The following ABCA4 variants were observed in gnomAD, a reference collection of about 807,000 sequenced individuals.
The protein encoded by ABCA4 is retinal-specific phospholipid-transporting ATPase ABCA4.
A neutral mutation model predicts 263.7 loss-of-function variants in ABCA4; 196 were observed. The observed-to-expected ratio is 0.74, with a 90% CI of 0.66 to 0.84. The LOEUF (loss-of-function observed/expected upper bound fraction) is 0.84, where lower values mean the gene tolerates loss of function less well. ABCA4 is among the 40% of genes least tolerant of loss of function. The probability of loss-of-function intolerance (pLI) is 0.00; values close to 1 mark genes in which losing one functional copy is unlikely to be tolerated. For missense variants in ABCA4, 2,792 were observed against 2,855.1 expected, an observed-to-expected ratio of 0.98 and a Z score of 0.50; for synonymous variants, 1,133 against 1,094.2, an observed-to-expected ratio of 1.04 and a Z score of -0.70.
In ABCA4 at chr1:94,015,786, A is replaced by C; in HGVS notation, c.5265T>G (p.Thr1755=). ...IFIGFQKKAY[T]SPENLPALVA... ...CAAGGGCAGGAAGGTTTTCTGGAGA[A>C]GTGTAGGCTTTCTTCTGAAACCCGA... The change falls in exon 37 of 50, where the codon ACT becomes ACG. Residue 1755 remains threonine (T), a synonymous_variant. Coordinates refer to ENST00000370225, the MANE Select transcript of ABCA4 (RefSeq NM_000350.3). The C allele has an allele frequency of 1.4e-5, 23 of 1,614,084 alleles. No individual in the cohort carries two copies. The highest frequency in any genetic ancestry group is 1.9e-5 in the Non-Finnish European group (22 of 1,180,024).
At chr1:94,019,019 G>GTTTTTTTTTTTTTTTTTTTTTTTTTT (rs757258025) in intron 36 of ABCA4, among the ~76,000 whole-genome samples, 1 of 76,430 alleles carries the variant, frequency 1.3e-5, no homozygotes, top group African/African-American at 6.2e-5. Flanking sequence ...AAACAACCAG[G>GTTTTTTTTTTTTTTTTTTTTTTTTTT]TTTTTTTTTT....
intron 20 of ABCA4, 28 bp downstream of exon 20, chr1:94,044,585 G>A (rs375591145): frequency 1.3e-5 from 21 of 1,614,050 alleles, no homozygotes; most frequent in African/African-American, 1.1e-4. Context: ...AGAGGGGATG[G>A]GGCGGTCTCA....
chr1:94,113,050 T>G lies in ABCA4; in HGVS notation c.83A>C (p.Glu28Ala). 1 of 1,614,054 alleles carries G rather than the reference T, an allele frequency of 6.2e-7. No individual in the cohort carries two copies. The highest frequency in any genetic ancestry group is 8.5e-7 in the Non-Finnish European group (1 of 1,180,002). Residue 28 changes from glutamate to alanine, a missense_variant, in exon 2 of 50, where the codon GAA (glutamate) becomes GCA (alanine). By Grantham distance (107) the Glu-to-Ala change is moderately radical. Transcript: ENST00000370225. Reference protein sequence around the residue: ...RKRQKIRFVVELVWPLSLFLV... With the variant: ...RKRQKIRFVVALVWPLSLFLV... ...AAATAAAGATAAAGGCCACACGAGT[T>G]CCACCACAAAGCGAATCTGGAAAAA...
intron 36 of ABCA4, among the ~76,000 whole-genome samples, chr1:94,019,165 A>T (rs1435339937): frequency 6.6e-6 from 1 of 151,638 alleles, no homozygotes; most frequent in Non-Finnish European, 1.5e-5. Flanking sequence ...TACCACAGGG[A>T]AAGTTTTACC....
intron 14 of ABCA4, among the ~76,000 whole-genome samples, chr1:94,058,449 C>A (rs1482220672): frequency 6.6e-6 from 1 of 152,222 alleles, no homozygotes; most frequent in East Asian, 1.9e-4. Context: ...GAGACCTCCA[C>A]CTCCTGGGTT....
At chr1:94,117,935 G>A (rs1002138059) in intron 1 of ABCA4, among the ~76,000 whole-genome samples, 3 of 152,184 alleles carry the variant, frequency 2.0e-5, no homozygotes, top group Admixed American at 2.0e-4. Flanking sequence ...ATTATTAATA[G>A]TGCTCCCTTT....
At chr1:94,103,293 C>T (rs138871362) in intron 4 of ABCA4, 151 bp from the exon 5 acceptor site, 5 of 986,408 alleles carry the variant, frequency 5.1e-6, no homozygotes, top group African/African-American at 1.6e-5. Context: ...AGGTGAGGCT[C>T]TTGCCAGTGG....
rs2297636 is a variant in ABCA4 at position 94,103,266 on chromosome 1, T to C, written c.443-124A>G. ...TCAGAGGAAGGTTCTGTTCTTGGGG[T>C]CTCTGGGAGCCCCTAGAGGTGAGGC... On this transcript the variant is annotated intron_variant, in intron 4 of 49. Coordinates refer to ENST00000370225, the MANE Select transcript of ABCA4 (RefSeq NM_000350.3). 0.29 allele frequency: 361,394 copies of C among 1,250,242 alleles called. 53,771 individuals carry two copies. Among genetic ancestry groups the C allele is most frequent in the East Asian group, 0.41 (17,143 of 41,536 alleles). The allele number at this position is 1,250,242 out of a possible 1,614,324, so 77.4% of individuals were successfully genotyped here.
In ABCA4 at chr1:94,001,954, G is replaced by C; in HGVS notation, c.6186C>G (p.Val2062=). ...ACGTGCCAGCCAGGCAGTCGGCGTAGACAGTCAGGCCCAGGCTCTTAATAC... is the reference window on the plus strand; with the variant it reads ...ACGTGCCAGCCAGGCAGTCGGCGTACACAGTCAGGCCCAGGCTCTTAATAC... ...NWSIKSLGLT[V]YADCLAGTYS... is the part of the protein sequence containing the mutation. The change falls in exon 45 of 50, where the codon GTC becomes GTG. Residue 2062 remains valine (V), a synonymous_variant. Coordinates refer to ENST00000370225, the MANE Select transcript of ABCA4 (RefSeq NM_000350.3). 1.9e-6 allele frequency: 3 copies of C among 1,614,218 alleles called. No individual in the cohort carries two copies. Among genetic ancestry groups the C allele is most frequent in the Non-Finnish European group, 2.5e-6 (3 of 1,180,044 alleles).
intron 14 of ABCA4, among the ~76,000 whole-genome samples, chr1:94,058,437 C>A (rs1262293217): frequency 1.3e-5 from 2 of 152,250 alleles, no homozygotes; most frequent in African/African-American, 4.8e-5. Flanking sequence ...TATCAGCTCA[C>A]TGAGACCTCC....
chr1:94,108,378 C>A (rs1018547036), intron 4 of ABCA4, among the ~76,000 whole-genome samples, 199 bp downstream of exon 4: 12 of 152,198 alleles, frequency 7.9e-5, no homozygotes, highest in African/African-American at 2.2e-4. Context: ...TTCCTGCCTT[C>A]CTTCCCAACT....
At position 94,093,389 on chromosome 1, in the gene ABCA4, C is replaced by A. The variant is rs559632955; in HGVS notation, c.768+5405G>T. On this transcript the variant is annotated intron_variant, in intron 6 of 49. Transcript: ENST00000370225. ...TCAGATTCTCGAAGGTAATCCTAAC[C>A]CATAAGAAAGGTTAAGAGCTACTGT... Among the ~76,000 whole-genome samples the A allele has an allele frequency of 2.6e-5, 4 of 152,292 alleles. No homozygotes were observed. In the East Asian group the frequency reaches 7.7e-4, roughly 29 times the overall value.
intron 6 of ABCA4, among the ~76,000 whole-genome samples, chr1:94,096,506 G>A (rs528445636): frequency 3.3e-5 from 5 of 152,184 alleles, no homozygotes; most frequent in African/African-American, 1.2e-4. Flanking sequence ...TACAGAAACC[G>A]AGAAAGCAAG....
intron 39 of ABCA4, 50 bp from the exon 40 acceptor site, chr1:94,010,979 A>C (rs1659530252): frequency 1.2e-6 from 2 of 1,613,530 alleles, no homozygotes; most frequent in African/African-American, 2.7e-5. Context: ...AGCTCACCCC[A>C]CAGACCTGGC....
Position 94,056,801 on chromosome 1 carries a change from T to C in ABCA4, c.2182A>G (p.Ser728Gly), listed in dbSNP as rs1064793007. ...FIMHGRILHY[S>G]DPFILFLFLL... Reference sequence around the variant, plus strand: ...AACAGGAAGAGGATGAATGGGTCGCTGTAATGTAGGATTCTTCCATGCTGA... The same window carrying C: ...AACAGGAAGAGGATGAATGGGTCGCCGTAATGTAGGATTCTTCCATGCTGA... Residue 728 changes from serine (S) to glycine (G), a missense_variant, in exon 15 of 50, where the codon AGC becomes GGC. Ser to Gly is a moderately conservative substitution (Grantham distance 56). Coordinates refer to ENST00000370225, the MANE Select transcript of ABCA4 (RefSeq NM_000350.3). 6.2e-7 allele frequency: 1 copy of C among 1,608,376 alleles called. No individual in the cohort carries two copies. Among genetic ancestry groups the C allele is most frequent in the Non-Finnish European group, 8.5e-7 (1 of 1,177,136 alleles).
In ABCA4 at chr1:94,098,943, C is replaced by G. The variant is rs147807073; in HGVS notation, c.619G>C (p.Glu207Gln). The G allele has an allele frequency of 1.4e-5, 23 of 1,612,572 alleles. No individual in the cohort carries two copies. In the Admixed American group the frequency reaches 3.8e-4, roughly 27 times the overall value. Residue 207 changes from glutamate to glutamine, a missense_variant, in exon 6 of 50, where the codon GAG (glutamate) becomes CAG (glutamine). Glu to Gln is a conservative substitution (Grantham distance 29). Transcript: ENST00000370225. Reference sequence around the variant, plus strand: ...ATGATGAAGCGCTCCAGGAGGGCCTCGCTGCAGGCGATGTCCTTCAGCGCC... The same window carrying G: ...ATGATGAAGCGCTCCAGGAGGGCCTGGCTGCAGGCGATGTCCTTCAGCGCC... ...DLALKDIACS[E>Q]ALLERFIIFS...
intron 30 of ABCA4, among the ~76,000 whole-genome samples, chr1:94,026,665 A>G (rs1367348003): frequency 6.6e-6 from 1 of 152,220 alleles, no homozygotes; most frequent in Non-Finnish European, 1.5e-5. Context: ...GTTCTGCCCA[A>G]TAAAATATTT....
chr1:94,020,289 G>A (rs142775424), intron 35 of ABCA4, among the ~76,000 whole-genome samples: 33 of 152,212 alleles, frequency 2.2e-4, no homozygotes, highest in African/African-American at 6.3e-4. Context: ...TTCTTTCCTC[G>A]GACAAATAGA....
rs142732109 is a variant in ABCA4, at chr1:94,029,567, G to T, written c.4417C>A (p.Leu1473Met). The part of the protein sequence containing the change: ...TPSVSPNITQ[L>M]FQKQKWTQVN... ...TGTGTCCATTTCTGCTTCTGGAACA[G>T]CTGGGTGATGTTTGGGGACACAGAA... Residue 1473 changes from leucine to methionine, a missense_variant, in exon 30 of 50, where the codon CTG (leucine) becomes ATG (methionine). By Grantham distance (15) the Leu-to-Met change is conservative. Coordinates refer to ENST00000370225, the MANE Select transcript of ABCA4 (RefSeq NM_000350.3). The T allele has an allele frequency of 5.8e-5, 93 of 1,613,992 alleles. 1 individual carries two copies. The highest frequency in any genetic ancestry group is 5.0e-4 in the Middle Eastern group (3 of 6,054).
Sources: gnomAD v4.1 joint callset for allele counts (sites outside exome capture counted in the v4.1 genomes callset) on GRCh38, gnomAD v4.1.1 for gene constraint, MANE v1.5 for transcripts, NCBI Gene and HGNC (gene_info 2026-07-23, HGNC 2026-07-21) for gene names.